IL20RB: variants seen among roughly 807,000 people sequenced by gnomAD.
IL20RB encodes interleukin 20 receptor subunit beta, also known as interleukin-20 receptor subunit beta.
In IL20RB, 21 loss-of-function variants were observed where a neutral mutation model predicts 33.3. The ratio of observed to expected loss-of-function variants is 0.63; its 90% CI spans 0.45 to 0.91. The LOEUF is 0.91. IL20RB is among the 40% of genes least tolerant of loss of function. The pLI, the probability that IL20RB is intolerant of heterozygous loss-of-function variation, is 0.00. For synonymous variants in IL20RB, 147 were observed against 146.8 expected (o/e 1.00, Z -0.01); for missense variants, 345 against 384.8 (o/e 0.90, Z 0.86).
intron 6 of IL20RB, among the ~76,000 whole-genome samples, chr3:137,004,532 G>A (rs1012452840): frequency 4.6e-5 from 7 of 152,156 alleles, no homozygotes; most frequent in African/African-American, 2.4e-5. Flanking sequence ...ATTTCTTCTA[G>A]ATTTTCTAGT....
chr3:136,988,080 G>C (rs1039404147), intron 3 of IL20RB, among the ~76,000 whole-genome samples: 6 of 152,236 alleles, frequency 3.9e-5, no homozygotes, highest in African/African-American at 1.2e-4. Context: ...CGGCCAAAGT[G>C]GGAGCCCAGG....
intron 1 of IL20RB, among the ~76,000 whole-genome samples, chr3:136,979,489 A>G (rs1399147398): frequency 6.6e-6 from 1 of 152,224 alleles, no homozygotes; most frequent in Non-Finnish European, 1.5e-5. Context: ...GCATTTAAAC[A>G]GGAACATAGC....
At chr3:136,988,245 G>C (rs1233767314) in intron 3 of IL20RB, among the ~76,000 whole-genome samples, 1 of 152,204 alleles carries the variant, frequency 6.6e-6, no homozygotes, top group Admixed American at 6.5e-5. Context: ...TGGTCCTGCA[G>C]TATCTGGGTC....
intron 1 of IL20RB, 29 bp from the exon 2 acceptor site, chr3:136,980,437 G>C: frequency 6.2e-7 from 1 of 1,614,006 alleles, no homozygotes. Flanking sequence ...GAGCCCACCT[G>C]TCAGCCAGGC....
chr3:137,002,813 C>G (rs1942273680), intron 6 of IL20RB, among the ~76,000 whole-genome samples: 1 of 152,108 alleles, frequency 6.6e-6, no homozygotes, highest in Admixed American at 6.5e-5. Context: ...GTTGCCATTG[C>G]TTTTGGTGTT....
At chr3:136,981,416 A>C (rs1941772251) in intron 2 of IL20RB, among the ~76,000 whole-genome samples, 1 of 152,156 alleles carries the variant, frequency 6.6e-6, no homozygotes, top group Non-Finnish European at 1.5e-5. Flanking sequence ...CAGAAAGTTT[A>C]TTTTTGGAAA....
At chr3:136,961,598 A>G (rs1261616997) in intron 1 of IL20RB, among the ~76,000 whole-genome samples, 4 of 152,116 alleles carry the variant, frequency 2.6e-5, no homozygotes, top group African/African-American at 9.7e-5. Context: ...TTAAAAAAGG[A>G]TGAGGGCCTA....
At chr3:136,977,487 A>T (rs974955900) in intron 1 of IL20RB, among the ~76,000 whole-genome samples, 1 of 152,084 alleles carries the variant, frequency 6.6e-6, no homozygotes, top group Admixed American at 6.5e-5. Flanking sequence ...TAGTGATTAT[A>T]ATTTTAATTT....
chr3:136,962,000 A>C (rs966120562), intron 1 of IL20RB, among the ~76,000 whole-genome samples: 1 of 152,246 alleles, frequency 6.6e-6, no homozygotes, highest in Non-Finnish European at 1.5e-5. Flanking sequence ...TGGACTTTAC[A>C]GAATAAATTA....
intron 4 of IL20RB, among the ~76,000 whole-genome samples, chr3:136,990,310 C>T (rs560689764): frequency 1.2e-4 from 18 of 152,250 alleles, no homozygotes; most frequent in African/African-American, 3.6e-4. Context: ...AGGACTAATA[C>T]GGTGCAATAA....
At chr3:136,987,297 A>G (rs1941926425) in intron 3 of IL20RB, among the ~76,000 whole-genome samples, 1 of 152,038 alleles carries the variant, frequency 6.6e-6, no homozygotes, top group Non-Finnish European at 1.5e-5. Context: ...CAGATTAGTT[A>G]GATACAGAGT....
At chr3:136,970,844 G>A (rs922324603) in intron 1 of IL20RB, among the ~76,000 whole-genome samples, 1 of 151,900 alleles carries the variant, frequency 6.6e-6, no homozygotes, top group Non-Finnish European at 1.5e-5. Flanking sequence ...AGTAGAGATG[G>A]GGTTTCACCG....
intron 5 of IL20RB, among the ~76,000 whole-genome samples, chr3:136,992,468 A>C (rs1942052559): frequency 6.6e-6 from 1 of 152,248 alleles, no homozygotes. Flanking sequence ...ACGTTGTATA[A>C]CACCACAGCC....
chr3:136,982,038 A>T (rs1941787693), intron 2 of IL20RB, 122 bp from the exon 3 acceptor site: 1 of 598,444 alleles, frequency 1.7e-6, no homozygotes, highest in African/African-American at 1.9e-5. Flanking sequence ...AGCTAGGATA[A>T]TGAGAAAGTA....
intron 5 of IL20RB, among the ~76,000 whole-genome samples, chr3:136,994,175 A>G (rs1297221912): frequency 1.5e-4 from 23 of 152,198 alleles, no homozygotes; most frequent in Admixed American, 1.4e-3. Flanking sequence ...ATGGGCACGA[A>G]AAAAACAGAA....
At chr3:137,009,450 A>G (rs994790886) in intron 6 of IL20RB, among the ~76,000 whole-genome samples, 8 of 152,124 alleles carry the variant, frequency 5.3e-5, no homozygotes, top group African/African-American at 1.9e-4. Context: ...TCCTCTCTGT[A>G]TTGGGCACCA....
At chr3:136,970,006 G>A (rs1333848816) in intron 1 of IL20RB, among the ~76,000 whole-genome samples, 1 of 151,916 alleles carries the variant, frequency 6.6e-6, no homozygotes, top group Non-Finnish European at 1.5e-5. Context: ...GTGAGGTTTA[G>A]ATTGAGGTTT....
rs924395059 is a variant in IL20RB at position 136,999,026 on chromosome 3, A to G, written c.825+3470A>G. On this transcript the variant is annotated intron_variant, in intron 6 of 6. Transcript: ENST00000329582. ...GCATTATATTTATCTTGCTTATAGT[A>G]TACTGAGCTTCTTGAATCTGTACAT... 2.0e-5 allele frequency among the ~76,000 whole-genome samples: 3 copies of G among 152,270 alleles called. No individual in the cohort carries two copies. The East Asian group carries it at 5.8e-4, about 29-fold the overall frequency.
rs951668571 is a variant in IL20RB, at chr3:137,010,618, A to T, written c.*395A>T. On this transcript the variant is annotated 3_prime_UTR_variant, in exon 7 of 7. Coordinates refer to ENST00000329582, the MANE Select transcript of IL20RB (RefSeq NM_144717.4). ...CCCAGCACTTGCAAGGCTAGAGGGA[A>T]ACTGGTGACACTCTACAGTCTGACT... is the stretch of plus-strand genomic sequence containing the variant. The T allele has an allele frequency of 1.2e-4, 19 of 159,270 alleles. No homozygotes were observed. Among genetic ancestry groups the T allele is most frequent in the Non-Finnish European group, 2.5e-4 (18 of 72,680 alleles). The allele number at this position is 159,270 out of a possible 1,614,324, so 9.9% of individuals were successfully genotyped here.
Sources: gnomAD v4.1 joint callset for allele counts (sites outside exome capture counted in the v4.1 genomes callset) on GRCh38, gnomAD v4.1.1 for gene constraint, MANE v1.5 for transcripts, NCBI Gene and HGNC (gene_info 2026-07-23, HGNC 2026-07-21) for gene names.